BCAS3: variants seen among roughly 807,000 people sequenced by gnomAD.
BCAS3 encodes the protein BCAS3 microtubule associated cell migration factor.
Under a neutral mutation model 116.1 loss-of-function variants are expected in BCAS3, and 53 were observed. The observed-to-expected ratio is 0.46, with a 90% confidence interval of 0.37 to 0.57. The LOEUF is 0.57. Among genes scored for constraint, BCAS3 ranks in the 20% least tolerant of loss-of-function variants. The probability of loss-of-function intolerance (pLI) is 0.00; values close to 1 mark genes in which losing one functional copy is unlikely to be tolerated. For missense variants in BCAS3, 917 were observed against 1,165.4 expected (o/e 0.79, Z 3.10); for synonymous variants, 391 against 408.2 (o/e 0.96, Z 0.51).
intron 22 of BCAS3, among the ~76,000 whole-genome samples, chr17:61,287,598 C>T (rs1347035201): frequency 6.6e-6 from 1 of 152,062 alleles, no homozygotes; most frequent in Admixed American, 6.5e-5. Flanking sequence ...TGGTGATGGG[C>T]ACCTACAGTC....
At chr17:60,826,510 G>A (rs2050442838) in intron 7 of BCAS3, among the ~76,000 whole-genome samples, 1 of 152,112 alleles carries the variant, frequency 6.6e-6, no homozygotes, top group East Asian at 1.9e-4. Context: ...AATTTTGGGG[G>A]ACACATTCAG....
rs1010773028 is a variant in BCAS3, at chr17:61,315,918, CACCT to C, written c.2426-52402_2426-52399del. 6.6e-6 allele frequency among the ~76,000 whole-genome samples: 1 copy of C among 152,140 alleles called. No homozygotes were observed. The highest frequency in any genetic ancestry group is 1.5e-5 in the Non-Finnish European group (1 of 68,030). ...ACATCTTAAAGTCACCTCTATTGTCCACCTACCTACTTCTCTATCTCACTGAACC... is the reference window on the plus strand; with the variant it reads ...ACATCTTAAAGTCACCTCTATTGTCCACCTACTTCTCTATCTCACTGAACC... On this transcript the variant is annotated intron_variant, in intron 22 of 23. Coordinates refer to ENST00000407086, the MANE Select transcript of BCAS3 (RefSeq NM_017679.5). This position sits in a 1 kb window ranked among gnomAD's most constrained non-coding sequence, Gnocchi z 5.3.
At chr17:61,322,802 G>GAGAGAGAGAGAGAGAGAGAGAGAGAC (rs2055345833) in intron 22 of BCAS3, among the ~76,000 whole-genome samples, 2 of 125,398 alleles carry the variant, frequency 1.6e-5, no homozygotes, top group Non-Finnish European at 3.3e-5. Flanking sequence ...GACAGAGAGA[G>GAGAGAGAGAGAGAGAGAGAGAGAGAC]AGAGAGAGAG....
intron 12 of BCAS3, among the ~76,000 whole-genome samples, chr17:60,919,189 A>C (rs1567866462): frequency 6.6e-6 from 1 of 151,850 alleles, no homozygotes; most frequent in Non-Finnish European, 1.5e-5. Context: ...ATTCTTTTTC[A>C]GGCATTTTAT....
chr17:61,176,525 C>CTGTTTGTT (rs1282147594), intron 22 of BCAS3, among the ~76,000 whole-genome samples: 48 of 145,528 alleles, frequency 3.3e-4, no homozygotes, highest in African/African-American at 1.2e-3. Flanking sequence ...TGTGTAATGT[C>CTGTTTGTT]TATTTATTTA....
In BCAS3 at chr17:61,031,263, G is replaced by A. The variant is rs140295279; in HGVS notation, c.1638-3403G>A. 7.0e-3 allele frequency among the ~76,000 whole-genome samples: 1,069 copies of A among 152,102 alleles called. 8 individuals carry two copies. The highest frequency in any genetic ancestry group is 0.024 in the Middle Eastern group (7 of 294). ...TAAATTTACATAATATACAAAGCTA[G>A]CACTTTTCTAATACATTCACGTATG... On this transcript the variant is annotated intron_variant, in intron 16 of 23. Coordinates refer to ENST00000407086, the MANE Select transcript of BCAS3 (RefSeq NM_017679.5).
At position 60,954,485 on chromosome 17, in the gene BCAS3, T is replaced by A. The variant is rs556740090; in HGVS notation, c.1221+7133T>A. 2.0e-5 allele frequency among the ~76,000 whole-genome samples: 3 copies of A among 152,360 alleles called. No homozygotes were observed. The South Asian group carries it at 6.2e-4, about 32-fold the overall frequency. ...TCAATGGTATTAATTCACACTGTTG[T>A]GCATCCATCACCATCATCTAGGTAA... On this transcript the variant is annotated intron_variant, in intron 14 of 23. Transcript: ENST00000407086.
intron 15 of BCAS3, among the ~76,000 whole-genome samples, chr17:61,000,713 A>G (rs1327467591): frequency 6.6e-6 from 1 of 152,180 alleles, no homozygotes; most frequent in Non-Finnish European, 1.5e-5. Flanking sequence ...GAGTAAATTA[A>G]ATATAATAAT....
chr17:60,773,049 A>G (rs1479534830), intron 6 of BCAS3, among the ~76,000 whole-genome samples: 3 of 152,214 alleles, frequency 2.0e-5, no homozygotes, highest in Admixed American at 2.0e-4. Context: ...GCTATCTTCC[A>G]AAGTGGCTGT....
At chr17:60,914,850 T>G (rs570611645) in intron 12 of BCAS3, among the ~76,000 whole-genome samples, 1 of 152,334 alleles carries the variant, frequency 6.6e-6, no homozygotes, top group East Asian at 1.9e-4. Flanking sequence ...TTGACAATTT[T>G]TGTCATCAGT....
chr17:61,264,798 A>G (rs2049532661), intron 22 of BCAS3, among the ~76,000 whole-genome samples: 1 of 152,224 alleles, frequency 6.6e-6, no homozygotes, highest in Non-Finnish European at 1.5e-5. Flanking sequence ...GGCAGGAGAC[A>G]TGAGAATGGG....
At position 61,339,232 on chromosome 17, in the gene BCAS3, C is replaced by T. The variant is rs971545443; in HGVS notation, c.2426-29095C>T. On this transcript the variant is annotated intron_variant, in intron 22 of 23. Transcript: ENST00000407086. The surrounding 1 kb of genome is among the most constrained non-coding windows in gnomAD (Gnocchi z 4.4). ...GTGGCAGGCGCCACTTGCCCTTGGT[C>T]GGTTTTACTCCCTGCCCCTAGTGCC... is the stretch of plus-strand genomic sequence containing the variant. 3.4e-4 allele frequency among the ~76,000 whole-genome samples: 52 copies of T among 152,148 alleles called. No individual in the cohort carries two copies. The highest frequency in any genetic ancestry group is 6.5e-4 in the Non-Finnish European group (44 of 68,034).
At chr17:60,845,931 TA>T in intron 7 of BCAS3, among the ~76,000 whole-genome samples, 1 of 150,968 alleles carries the variant, frequency 6.6e-6, no homozygotes, top group East Asian at 2.0e-4. Context: ...TGTACCTGGC[TA>T]ATTTTTTTTT....
At chr17:60,932,838 A>G (rs1376672140) in intron 13 of BCAS3, among the ~76,000 whole-genome samples, 2 of 151,892 alleles carry the variant, frequency 1.3e-5, no homozygotes, top group East Asian at 1.9e-4. Flanking sequence ...GATACATATC[A>G]CAGATAACTA....
chr17:60,710,578 C>T (rs2037756844), intron 5 of BCAS3, among the ~76,000 whole-genome samples: 1 of 151,802 alleles, frequency 6.6e-6, no homozygotes, highest in Non-Finnish European at 1.5e-5. Context: ...ACTATAGGCG[C>T]CCGCCACCAC....
intron 22 of BCAS3, among the ~76,000 whole-genome samples, chr17:61,330,305 G>C (rs2056161261): frequency 6.9e-6 from 1 of 145,934 alleles, no homozygotes; most frequent in South Asian, 2.4e-4. Context: ...ACCCAGGCTG[G>C]AGTAGTACAG....
rs1218775024 is a variant in BCAS3 at position 61,067,736 on chromosome 17, AAAAAAT to A, written c.2030-7182_2030-7177del. Among the ~76,000 whole-genome samples, 395 of 131,996 alleles carry A rather than the reference AAAAAAT, an allele frequency of 3.0e-3. 5 individuals are homozygous for A. The highest frequency in any genetic ancestry group is 0.015 in the African/African-American group (381 of 25,422). 86.6% of individuals were successfully genotyped at this position (131,996 alleles called of 152,430 possible). A position where few individuals can be genotyped will look rare whatever the true frequency, so the allele number is the denominator to read the frequency against. ...TCTCAAACAAACAAACAAAAAAAAA[AAAAAAT>A]ATATATATATATATAGAAACACACA... On this transcript the variant is annotated intron_variant, in intron 19 of 23. Transcript: ENST00000407086.
chr17:61,066,619 AAT>A (rs1287952651), intron 19 of BCAS3, among the ~76,000 whole-genome samples: 3 of 152,158 alleles, frequency 2.0e-5, no homozygotes, highest in Non-Finnish European at 4.4e-5. Context: ...CAGTATATTT[AAT>A]ATGTTAATGA....
At chr17:61,308,263 T>G (rs958453134) in intron 22 of BCAS3, among the ~76,000 whole-genome samples, 1 of 152,078 alleles carries the variant, frequency 6.6e-6, no homozygotes, top group Admixed American at 6.6e-5. Context: ...ATCATGATGA[T>G]AGTAACCAAC....
Sources: gnomAD v4.1 joint callset for allele counts (sites outside exome capture counted in the v4.1 genomes callset) on GRCh38, gnomAD v4.1.1 for gene constraint, Gnocchi (gnomAD v3.1) non-coding constraint, MANE v1.5 for transcripts, NCBI Gene and HGNC (gene_info 2026-07-23, HGNC 2026-07-21) for gene names.